The following TBX4 variants were observed in gnomAD, a reference collection of about 807,000 sequenced individuals.
The protein encoded by TBX4 is T-box transcription factor TBX4.
Under a neutral mutation model 54.6 loss-of-function variants are expected in TBX4, and 13 were observed. That is an observed-to-expected ratio of 0.24 (90% CI 0.15 to 0.38). The LOEUF (loss-of-function observed/expected upper bound fraction) is 0.38. Among genes scored for constraint, TBX4 ranks in the 10% least tolerant of loss-of-function variants. The probability of loss-of-function intolerance (pLI) is 1.00; values close to 1 mark genes in which losing one functional copy is unlikely to be tolerated. For missense variants in TBX4, 631 were observed against 728.5 expected, an observed-to-expected ratio of 0.87 and a Z score of 1.54; for synonymous variants, 314 against 306.7, an observed-to-expected ratio of 1.02 and a Z score of -0.25.
At position 61,474,593 on chromosome 17, in the gene TBX4, A is replaced by G. The variant is rs1048268216; in HGVS notation, c.550-4034A>G. Among the ~76,000 whole-genome samples, 1 of 152,218 alleles carries G rather than the reference A, an allele frequency of 6.6e-6. No homozygotes were observed. The highest frequency in any genetic ancestry group is 1.5e-5 in the Non-Finnish European group (1 of 68,034). On this transcript the variant is annotated intron_variant, in intron 5 of 8. Coordinates refer to ENST00000644296, the MANE Select transcript of TBX4 (RefSeq NM_001321120.2). This position sits in a 1 kb window ranked among gnomAD's most constrained non-coding sequence, Gnocchi z 4.6. ...CTTGAGGAGAGGGATGTTTGGCGCA[A>G]TTGCAGTTGTTAAAATAGAACAGGC...
In TBX4 at chr17:61,459,275, C is replaced by G. The variant is rs540469484; in HGVS notation, c.281+1644C>G. Among the ~76,000 whole-genome samples the G allele has an allele frequency of 6.6e-6, 1 of 152,152 alleles. No homozygotes were observed. The highest frequency in any genetic ancestry group is 2.1e-4 in the South Asian group (1 of 4,816). ...TCAGTGGTGTCAGGGAAATGGTGAC[C>G]GTAGACCTATCTGCTGTCCCTTCCT... On this transcript the variant is annotated intron_variant, in intron 3 of 8. Transcript: ENST00000644296. The surrounding 1 kb of genome is among the most constrained non-coding windows in gnomAD (Gnocchi z 4.8).
In TBX4 at chr17:61,457,421, TG is replaced by T; in HGVS notation, c.187-113del. On this transcript the variant is annotated intron_variant, in intron 2 of 8. Coordinates refer to ENST00000644296, the MANE Select transcript of TBX4 (RefSeq NM_001321120.2). This position sits in a 1 kb window ranked among gnomAD's most constrained non-coding sequence, Gnocchi z 8.2. ...TTCTGTGAAACGAAATCTGGAGCCA[TG>T]GGCTCCGGGCGGGCAGGGTTCCGCA... is the stretch of plus-strand genomic sequence containing the variant. The T allele has an allele frequency of 1.1e-6, 1 of 871,034 alleles. No individual in the cohort carries two copies. The highest frequency in any genetic ancestry group is 1.9e-6 in the Non-Finnish European group (1 of 520,510). The allele number at this position is 871,034 out of a possible 1,614,324, so 54.0% of individuals were successfully genotyped here.
In TBX4 at chr17:61,480,000, G is replaced by T. The variant is rs997023640; in HGVS notation, c.791+31G>T. The stretch of plus-strand genomic sequence containing the variant: ...GCTGCGTAGCCTGGGGGTGGGGCGG[G>T]CAGATGGGATTCAGGCACGTGGCCT... On this transcript the variant is annotated intron_variant, in intron 7 of 8. Transcript: ENST00000644296. The surrounding 1 kb of genome is among the most constrained non-coding windows in gnomAD (Gnocchi z 6.1). 1 of 1,613,488 alleles carries T rather than the reference G, an allele frequency of 6.2e-7. No individual in the cohort carries two copies. Among genetic ancestry groups the T allele is most frequent in the East Asian group, 2.2e-5 (1 of 44,864 alleles).
At chr17:61,466,577 G>A (rs2060538775) in intron 4 of TBX4, among the ~76,000 whole-genome samples, 1 of 152,232 alleles carries the variant, frequency 6.6e-6, no homozygotes, top group South Asian at 2.1e-4. Context: ...TGGGAGCTCG[G>A]AACAGCGCTC....
Position 61,457,768 on chromosome 17 carries a change from T to G in TBX4, c.281+137T>G. ...TGCCTCCTCGGGCGTCAGTGCCACC[T>G]CCCTTCGCAGCTTGGGACTGGGCCG... On this transcript the variant is annotated intron_variant, in intron 3 of 8. Transcript: ENST00000644296. This position sits in a 1 kb window ranked among gnomAD's most constrained non-coding sequence, Gnocchi z 8.2. 1 of 810,688 alleles carries G rather than the reference T, an allele frequency of 1.2e-6. No homozygotes were observed. The highest frequency in any genetic ancestry group is 1.7e-5 in the South Asian group (1 of 60,536). The allele number at this position is 810,688 out of a possible 1,614,324, so 50.2% of individuals were successfully genotyped here. A position where few individuals can be genotyped will look rare whatever the true frequency, so the allele number is the denominator to read the frequency against.
chr17:61,456,463 G>T, intron 1 of TBX4, 25 bp from the exon 2 acceptor site: 1 of 1,556,888 alleles, frequency 6.4e-7, no homozygotes, highest in South Asian at 1.2e-5. Context: ...CTGGGCGAGT[G>T]ACTCGTTGTG....
chr17:61,466,843 T>C (rs1012224814), intron 4 of TBX4, among the ~76,000 whole-genome samples: 5 of 152,230 alleles, frequency 3.3e-5, no homozygotes, highest in Admixed American at 1.3e-4. Flanking sequence ...CTCTAAATAA[T>C]ATAATTTATA....
At chr17:61,469,249 G>T (rs557672680) in intron 5 of TBX4, among the ~76,000 whole-genome samples, 2 of 152,154 alleles carry the variant, frequency 1.3e-5, no homozygotes, top group Non-Finnish European at 2.9e-5. Context: ...GGGAGAGAGC[G>T]CTCTGGCCTT....
rs2060523127 is a variant in TBX4, at chr17:61,464,765, T to C, written c.282-1054T>C. 6.6e-6 allele frequency among the ~76,000 whole-genome samples: 1 copy of C among 152,114 alleles called. No individual in the cohort carries two copies. Among genetic ancestry groups the C allele is most frequent in the Non-Finnish European group, 1.5e-5 (1 of 68,002 alleles). On this transcript the variant is annotated intron_variant, in intron 3 of 8. Coordinates refer to ENST00000644296, the MANE Select transcript of TBX4 (RefSeq NM_001321120.2). The surrounding 1 kb of genome is among the most constrained non-coding windows in gnomAD (Gnocchi z 5.8). ...GAGCTGTGCCCAGAGCGTTTGTGTA[T>C]GCGCTGTGCTGTTGTGTGTGCGTAT...
In TBX4 at chr17:61,482,920, T is replaced by C. The variant is rs750564852; in HGVS notation, c.1045T>C (p.Leu349=). ...RRADGTRHLD[L]PCKRSYLEAP... is the part of the protein sequence containing the mutation. Reference sequence around the variant, plus strand: ...AGCAGACGGTACCCGCCACCTGGACTTACCTTGCAAGCGATCCTATCTGGA... The same window carrying C: ...AGCAGACGGTACCCGCCACCTGGACCTACCTTGCAAGCGATCCTATCTGGA... The change falls in exon 9 of 9, where the codon TTA becomes CTA. Residue 349 remains leucine, a synonymous_variant. Coordinates refer to ENST00000644296, the MANE Select transcript of TBX4 (RefSeq NM_001321120.2). 1.2e-6 allele frequency: 2 copies of C among 1,613,818 alleles called. No individual in the cohort carries two copies. The highest frequency in any genetic ancestry group is 1.1e-5 in the South Asian group (1 of 91,008).
At position 61,457,555 on chromosome 17, in the gene TBX4, G is replaced by C; in HGVS notation, c.205G>C (p.Val69Leu). Reference protein sequence around the residue: ...AAEQTIENIKVGLHEKELWKK... With the variant: ...AAEQTIENIKLGLHEKELWKK... Reference sequence around the variant, plus strand: ...TCCCCAGACCATCGAGAACATCAAGGTGGGGCTGCATGAGAAGGAGCTCTG... The same window carrying C: ...TCCCCAGACCATCGAGAACATCAAGCTGGGGCTGCATGAGAAGGAGCTCTG... The change falls in exon 3 of 9, where the codon GTG becomes CTG. Residue 69 changes from valine to leucine, a missense_variant. Coordinates refer to ENST00000644296, the MANE Select transcript of TBX4 (RefSeq NM_001321120.2). The surrounding 1 kb of genome is among the most constrained non-coding windows in gnomAD (Gnocchi z 8.2). The C allele has an allele frequency of 6.2e-7, 1 of 1,613,952 alleles. No individual in the cohort carries two copies. Among genetic ancestry groups the C allele is most frequent in the African/African-American group, 1.3e-5 (1 of 75,010 alleles).
At chr17:61,456,437 T>G in intron 1 of TBX4, 51 bp from the exon 2 acceptor site, 1 of 1,542,472 alleles carries the variant, frequency 6.5e-7, no homozygotes, top group South Asian at 1.2e-5. Context: ...CCAGGGGTCC[T>G]CTGGCGAGTG....
rs1467581518 is a variant in TBX4 at position 61,457,938 on chromosome 17, C to T, written c.281+307C>T. 1.3e-5 allele frequency among the ~76,000 whole-genome samples: 2 copies of T among 152,244 alleles called. No individual in the cohort carries two copies. Among genetic ancestry groups the T allele is most frequent in the Admixed American group, 1.3e-4 (2 of 15,292 alleles). On this transcript the variant is annotated intron_variant, in intron 3 of 8. Transcript: ENST00000644296. This position sits in a 1 kb window ranked among gnomAD's most constrained non-coding sequence, Gnocchi z 8.2. ...GCACTTTTGGCCCCCTGGGGGGCTG[C>T]TTTGCCCTCCTCTCTTTGAGGACCT...
At chr17:61,467,902 T>G (rs1465169008) in intron 5 of TBX4, among the ~76,000 whole-genome samples, 2 of 152,198 alleles carry the variant, frequency 1.3e-5, no homozygotes, top group Non-Finnish European at 2.9e-5. Context: ...TCACTTTCCT[T>G]GTCTAGAAAA....
At position 61,483,108 on chromosome 17, in the gene TBX4, G is replaced by A; in HGVS notation, c.1233G>A (p.Leu411=). 1 of 1,614,068 alleles carries A rather than the reference G, an allele frequency of 6.2e-7. No homozygotes were observed. The highest frequency in any genetic ancestry group is 8.5e-7 in the Non-Finnish European group (1 of 1,180,000). The change falls in exon 9 of 9, where the codon CTG becomes CTA. Residue 411 remains leucine, a synonymous_variant. Coordinates refer to ENST00000644296, the MANE Select transcript of TBX4 (RefSeq NM_001321120.2). The surrounding 1 kb of genome is among the most constrained non-coding windows in gnomAD (Gnocchi z 6.6). ...EIAGVSGVDD[L]PPPPLSCNMW... ...CCGGGGTGTCTGGGGTGGACGACCTGCCCCCACCTCCGCTGAGCTGTAACA... is the reference window on the plus strand; with the variant it reads ...CCGGGGTGTCTGGGGTGGACGACCTACCCCCACCTCCGCTGAGCTGTAACA...
rs765664594 is a variant in TBX4, at chr17:61,480,073, C to T, written c.792-17C>T. Reference sequence around the variant, plus strand: ...ACTCTCTTCCTGTCTCTCCTCCTGTCCTCCCCACCCCTTCAGCAAAGAATA... The same window carrying T: ...ACTCTCTTCCTGTCTCTCCTCCTGTTCTCCCCACCCCTTCAGCAAAGAATA... On this transcript the variant is annotated splice_polypyrimidine_tract_variant and intron_variant, in intron 7 of 8. Transcript: ENST00000644296. The surrounding 1 kb of genome is among the most constrained non-coding windows in gnomAD (Gnocchi z 6.2). 5 of 1,612,660 alleles carry T rather than the reference C, an allele frequency of 3.1e-6. No homozygotes were observed. Among genetic ancestry groups the T allele is most frequent in the African/African-American group, 1.3e-5 (1 of 74,844 alleles).
In TBX4 at chr17:61,483,199, C is replaced by T. The variant is rs1217962593; in HGVS notation, c.1324C>T (p.Pro442Ser). The change falls in exon 9 of 9, where the codon CCC becomes TCC. Residue 442 changes from proline (P) to serine (S), a missense_variant. Transcript: ENST00000644296. The surrounding 1 kb of genome is among the most constrained non-coding windows in gnomAD (Gnocchi z 6.6). ...VQTMETVPYQ[P>S]FPTHFTATTM... ...GACGATGGAGACTGTGCCGTACCAG[C>T]CCTTCCCCACGCACTTCACCGCCAC... 1.2e-6 allele frequency: 2 copies of T among 1,614,122 alleles called. No homozygotes were observed. Among genetic ancestry groups the T allele is most frequent in the East Asian group, 2.2e-5 (1 of 44,868 alleles).
rs1198580859 is a variant in TBX4, at chr17:61,484,092, T to G, written c.*576T>G. Reference sequence around the variant, plus strand: ...AGAGGTGGGCTCAGCTAAGCCACAATGTGTACTTTGATAGTACAGCTGGCT... The same window carrying G: ...AGAGGTGGGCTCAGCTAAGCCACAAGGTGTACTTTGATAGTACAGCTGGCT... On this transcript the variant is annotated 3_prime_UTR_variant, in exon 9 of 9. Coordinates refer to ENST00000644296, the MANE Select transcript of TBX4 (RefSeq NM_001321120.2). This position sits in a 1 kb window ranked among gnomAD's most constrained non-coding sequence, Gnocchi z 4.1. 6.3e-6 allele frequency: 1 copy of G among 159,332 alleles called. No individual in the cohort carries two copies. The highest frequency in any genetic ancestry group is 2.4e-5 in the African/African-American group (1 of 41,498). 9.9% of individuals were successfully genotyped at this position (159,332 alleles called of 1,614,324 possible). A position where few individuals can be genotyped will look rare whatever the true frequency, so the allele number is the denominator to read the frequency against.
chr17:61,458,625 T>G (rs766046497), intron 3 of TBX4, among the ~76,000 whole-genome samples: 4 of 152,126 alleles, frequency 2.6e-5, no homozygotes, highest in Non-Finnish European at 4.4e-5. Context: ...TCAGCTACTT[T>G]CATCTGTGCA....
Sources: allele counts gnomAD v4.1 joint callset (sites outside exome capture counted in the v4.1 genomes callset), GRCh38; gene constraint gnomAD v4.1.1; non-coding constraint Gnocchi (gnomAD v3.1); transcripts MANE v1.5; gene names NCBI Gene and HGNC (gene_info 2026-07-23, HGNC 2026-07-21).